The following CELF4 variants were observed in gnomAD, a reference collection of about 807,000 sequenced individuals.
CELF4 encodes CUG-BP- and ETR-3-like factor 4.
CELF4 carries 18 observed loss-of-function variants against 59.9 expected under a neutral mutation model. The ratio of observed to expected loss-of-function variants is 0.30; its 90% CI spans 0.21 to 0.45. The LOEUF is 0.45. Ranked by LOEUF, CELF4 falls within the 20% of genes least tolerant of loss-of-function variation. The pLI is 1.00. For synonymous variants in CELF4, 261 were observed against 267.1 expected (o/e 0.98, Z 0.22); for missense variants, 456 against 689.0 (o/e 0.66, Z 3.79).
intron 3 of CELF4, among the ~76,000 whole-genome samples, chr18:37,294,229 T>A (rs1460152296): frequency 6.6e-6 from 1 of 152,186 alleles, no homozygotes; most frequent in Non-Finnish European, 1.5e-5. Context: ...CTTCATCTCA[T>A]CCTCCGGACC....
At chr18:37,353,679 G>A (rs2098506690) in intron 2 of CELF4, among the ~76,000 whole-genome samples, 1 of 143,846 alleles carries the variant, frequency 7.0e-6, no homozygotes, top group Non-Finnish European at 1.5e-5. Flanking sequence ...GAGGGGGAAT[G>A]ATGAGTTTAC....
chr18:37,425,359 C>G (rs1418854616), intron 2 of CELF4, among the ~76,000 whole-genome samples: 1 of 152,234 alleles, frequency 6.6e-6, no homozygotes, highest in Non-Finnish European at 1.5e-5. Context: ...CTCCGGGGCT[C>G]TAACCCTTCC....
chr18:37,369,702 C>A (rs2154564377), intron 2 of CELF4, among the ~76,000 whole-genome samples: 1 of 152,346 alleles, frequency 6.6e-6, no homozygotes, highest in Middle Eastern at 3.4e-3. Flanking sequence ...AACTTTAAAT[C>A]CTATGGACTG....
intron 2 of CELF4, among the ~76,000 whole-genome samples, chr18:37,439,917 A>T (rs933162935): frequency 1.3e-5 from 2 of 152,146 alleles, no homozygotes. Flanking sequence ...GGCTCCTAGG[A>T]GGTAGACATG....
intron 2 of CELF4, among the ~76,000 whole-genome samples, chr18:37,419,209 C>A (rs974047263): frequency 1.4e-4 from 21 of 152,328 alleles, no homozygotes; most frequent in African/African-American, 5.1e-4. Flanking sequence ...ATCGGTTTTA[C>A]TCTTTTGTTT....
chr18:37,432,350 G>C (rs947109972), intron 2 of CELF4, among the ~76,000 whole-genome samples: 14 of 152,242 alleles, frequency 9.2e-5, no homozygotes, highest in African/African-American at 3.4e-4. Context: ...CCTGGGCCCA[G>C]AGGGGGAGCT....
intron 1 of CELF4, among the ~76,000 whole-genome samples, chr18:37,555,066 C>T (rs1001130580): frequency 3.9e-5 from 6 of 152,186 alleles, no homozygotes; most frequent in African/African-American, 1.2e-4. Context: ...GGGGCCTTTC[C>T]TTTCCTCCTG....
chr18:37,252,871 G>A (rs1235012974), intron 12 of CELF4, among the ~76,000 whole-genome samples: 2 of 151,762 alleles, frequency 1.3e-5, no homozygotes, highest in African/African-American at 4.8e-5. Context: ...AGGGAGGGGC[G>A]GTCAGAGGGC....
Position 37,471,415 on chromosome 18 carries a change from G to A in CELF4, c.369+14110C>T, listed in dbSNP as rs189062958. Among the ~76,000 whole-genome samples, 13 of 152,254 alleles carry A rather than the reference G, an allele frequency of 8.5e-5. No individual in the cohort carries two copies. The East Asian group carries it at 2.5e-3, about 30-fold the overall frequency. On this transcript the variant is annotated intron_variant, in intron 2 of 12. Transcript: ENST00000420428. ...GGGAACAAGCTCCTCAGTGGGATGTGAAAGGCCTTCCCAACTCATGCTAAG... is the reference window on the plus strand; with the variant it reads ...GGGAACAAGCTCCTCAGTGGGATGTAAAAGGCCTTCCCAACTCATGCTAAG...
At chr18:37,395,759 T>C (rs140306792) in intron 2 of CELF4, among the ~76,000 whole-genome samples, 1 of 152,304 alleles carries the variant, frequency 6.6e-6, no homozygotes, top group East Asian at 1.9e-4. Context: ...GAACTCCAAA[T>C]AGCACACACA....
At chr18:37,477,435 G>C (rs1286161589) in intron 2 of CELF4, among the ~76,000 whole-genome samples, 1 of 152,252 alleles carries the variant, frequency 6.6e-6, no homozygotes, top group African/African-American at 2.4e-5. Context: ...TTGTGGCCAG[G>C]ATGGTGTCTG....
intron 1 of CELF4, among the ~76,000 whole-genome samples, chr18:37,545,158 A>T (rs1568009166): frequency 6.6e-6 from 1 of 152,224 alleles, no homozygotes; most frequent in Non-Finnish European, 1.5e-5. Context: ...CCAGTGCCCA[A>T]CAGCAGCTTG....
At chr18:37,444,956 G>A (rs2099744192) in intron 2 of CELF4, among the ~76,000 whole-genome samples, 2 of 152,276 alleles carry the variant, frequency 1.3e-5, no homozygotes, top group East Asian at 1.9e-4. Flanking sequence ...CTGGGCTTGC[G>A]GCCTGCAGAA....
chr18:37,510,084 A>G (rs1323239323), intron 1 of CELF4, among the ~76,000 whole-genome samples: 3 of 152,254 alleles, frequency 2.0e-5, no homozygotes, highest in African/African-American at 7.2e-5. Flanking sequence ...GAACTTGAGC[A>G]TGATAGTTGC....
In CELF4 at chr18:37,444,650, A is replaced by G. The variant is rs975781452; in HGVS notation, c.369+40875T>C. On this transcript the variant is annotated intron_variant, in intron 2 of 12. Transcript: ENST00000420428. ...CACACACACACACACACACACACAC[A>G]CACGCGAACGATGCAGTTTCAGAGG... Among the ~76,000 whole-genome samples the G allele has an allele frequency of 1.0e-3, 137 of 136,608 alleles. 1 individual carries two copies. The highest frequency in any genetic ancestry group is 3.7e-3 in the Middle Eastern group (1 of 270). The allele number at this position is 136,608 out of a possible 152,430, so 89.6% of individuals were successfully genotyped here. A position where few individuals can be genotyped will look rare whatever the true frequency, so the allele number is the denominator to read the frequency against.
At chr18:37,508,957 T>G (rs1420541226) in intron 1 of CELF4, among the ~76,000 whole-genome samples, 1 of 152,156 alleles carries the variant, frequency 6.6e-6, no homozygotes, top group African/African-American at 2.4e-5. Context: ...CTCAACCTGT[T>G]CTTCTGCCTC....
intron 2 of CELF4, among the ~76,000 whole-genome samples, chr18:37,412,158 G>C (rs773740811): frequency 1.2e-4 from 18 of 152,232 alleles, no homozygotes; most frequent in Non-Finnish European, 2.6e-4. Flanking sequence ...AGTACCTACT[G>C]TGGCTTAGGA....
At chr18:37,319,551 T>C (rs543164) in intron 3 of CELF4, among the ~76,000 whole-genome samples, 78,543 of 152,076 alleles carry the variant, frequency 0.52, 20,806 homozygotes, top group East Asian at 0.75. Flanking sequence ...CTGCTGGGGC[T>C]GGAGGGCAGA....
chr18:37,444,293 G>A (rs762884164), intron 2 of CELF4, among the ~76,000 whole-genome samples: 19 of 152,070 alleles, frequency 1.2e-4, no homozygotes, highest in East Asian at 1.9e-4. Context: ...TAGCATCCCC[G>A]TCCTGGACTG....
Sources: gnomAD v4.1 joint callset for allele counts (sites outside exome capture counted in the v4.1 genomes callset) on GRCh38, gnomAD v4.1.1 for gene constraint, MANE v1.5 for transcripts, NCBI Gene and HGNC (gene_info 2026-07-23, HGNC 2026-07-21) for gene names.